SLC17A1: variants seen among roughly 807,000 people sequenced by gnomAD.
The protein encoded by SLC17A1 is sodium-dependent phosphate transport protein 1.
A neutral mutation model predicts 53.5 loss-of-function variants in SLC17A1; 51 were observed. The observed-to-expected ratio is 0.95, with a 90% CI of 0.76 to 1.20. SLC17A1 has a LOEUF of 1.20. Among genes scored for constraint, SLC17A1 ranks in the 50% most tolerant of loss-of-function variants. The pLI is 0.00. For synonymous variants in SLC17A1, 179 were observed against 198.8 expected, an observed-to-expected ratio of 0.90 and a Z score of 0.84; for missense variants, 538 against 568.2, an observed-to-expected ratio of 0.95 and a Z score of 0.54.
chr6:25,823,985 C>G (rs1213961278), intron 3 of SLC17A1, among the ~76,000 whole-genome samples: 1 of 151,648 alleles, frequency 6.6e-6, no homozygotes, highest in Non-Finnish European at 1.5e-5. Context: ...CATTCAGAGG[C>G]AATTCAGTGG....
chr6:25,794,721 A>T (rs1763569669), intron 12 of SLC17A1, among the ~76,000 whole-genome samples: 1 of 152,204 alleles, frequency 6.6e-6, no homozygotes, highest in African/African-American at 2.4e-5. Flanking sequence ...AGAGAGGTGG[A>T]AAAAGCAGTT....
chr6:25,800,810 C>A lies in SLC17A1; in HGVS notation c.1269+80G>T, dbSNP rs373966823. On this transcript the variant is annotated intron_variant, in intron 11 of 12. Coordinates refer to ENST00000244527, the MANE Select transcript of SLC17A1 (RefSeq NM_005074.5). ...ATAAGTCATCTCCTTCTGGCATCTT[C>A]TCTGCAATTTTTCATATGTGTAATC... 5.5e-5 allele frequency: 49 copies of A among 896,944 alleles called. 1 individual carries two copies. Among genetic ancestry groups the A allele is most frequent in the East Asian group, 4.0e-4 (16 of 39,888 alleles). The allele number at this position is 896,944 out of a possible 1,614,324, so 55.6% of individuals were successfully genotyped here.
At chr6:25,778,973 G>A (rs1763162603), downstream of SLC17A1, 2 of 1,566,790 alleles carry the variant, frequency 1.3e-6, no homozygotes, top group Non-Finnish European at 1.7e-6. Context: ...GGGAGCAGGA[G>A]GACACAGAGC....
chr6:25,742,721 T>C, the SLC17A1 span, among the ~76,000 whole-genome samples: 65 of 152,120 alleles, frequency 4.3e-4, no homozygotes, highest in African/African-American at 1.4e-3. Flanking sequence ...GGAGAATTCC[T>C]TGAGCCCAGG....
the SLC17A1 span, chr6:25,726,882 G>A: frequency 3.8e-6 from 6 of 1,595,140 alleles, no homozygotes; most frequent in Admixed American, 1.7e-5. Context: ...AAAGAACCGT[G>A]TAACGCTGCA....
the SLC17A1 span, among the ~76,000 whole-genome samples, chr6:25,733,653 G>A: frequency 5.9e-5 from 9 of 151,588 alleles, no homozygotes; most frequent in African/African-American, 2.2e-4. Flanking sequence ...CCTATAATTA[G>A]CCTTTGGTTT....
At chr6:25,773,290 CTTG>C in the SLC17A1 span, 1 of 1,613,736 alleles carries the variant, frequency 6.2e-7, no homozygotes, top group Non-Finnish European at 8.5e-7. Context: ...ATTGGCTGTG[CTTG>C]TTGTCCTCTC....
the SLC17A1 span, chr6:25,776,618 G>A: frequency 1.2e-5 from 20 of 1,611,320 alleles, no homozygotes; most frequent in Middle Eastern, 3.3e-4. Flanking sequence ...CTGCCTTGCC[G>A]TTTGTTGTTG....
chr6:25,729,436 G>T, the SLC17A1 span, among the ~76,000 whole-genome samples: 1 of 152,136 alleles, frequency 6.6e-6, no homozygotes, highest in Non-Finnish European at 1.5e-5. Context: ...ATAAAGTAAA[G>T]GCAGGAAGAG....
At chr6:25,774,791 A>G in the SLC17A1 span, among the ~76,000 whole-genome samples, 54 of 152,326 alleles carry the variant, frequency 3.5e-4, no homozygotes, top group Middle Eastern at 3.4e-3. Context: ...TCCAGGCTAA[A>G]AAGTCAAGAG....
At chr6:25,777,531 A>C in the SLC17A1 span, 1 of 166,186 alleles carries the variant, frequency 6.0e-6, no homozygotes, top group Admixed American at 6.2e-5. Context: ...GAGGGTATAA[A>C]AGTTACAAGA....
At chr6:25,798,602 C>T (rs1014683292) in intron 12 of SLC17A1, 181 bp downstream of exon 12, 45 of 444,896 alleles carry the variant, frequency 1.0e-4, no homozygotes, top group South Asian at 2.1e-4. Flanking sequence ...TATCTCCAGC[C>T]TTAGCATCCC....
chr6:25,753,367 T>C, the SLC17A1 span, among the ~76,000 whole-genome samples: 240 of 151,580 alleles, frequency 1.6e-3, no homozygotes, highest in African/African-American at 5.7e-3. Context: ...GTGAATTTGC[T>C]CTCTTTTCTC....
chr6:25,783,767 C>T (rs950547056), intron 12 of SLC17A1, among the ~76,000 whole-genome samples: 1 of 152,014 alleles, frequency 6.6e-6, no homozygotes, highest in Non-Finnish European at 1.5e-5. Flanking sequence ...AATAAAGCCC[C>T]CCTTTGTGGT....
the SLC17A1 span, among the ~76,000 whole-genome samples, chr6:25,772,720 G>T: frequency 1.1e-4 from 16 of 152,194 alleles, no homozygotes; most frequent in Admixed American, 9.2e-4. Context: ...AAGGTTTAAT[G>T]ATGAAAGGAA....
At chr6:25,815,020 C>A (rs546143606) in intron 6 of SLC17A1, among the ~76,000 whole-genome samples, 3 of 123,964 alleles carry the variant, frequency 2.4e-5, no homozygotes, top group African/African-American at 9.5e-5. Flanking sequence ...CACACACACA[C>A]ACACACACAC....
chr6:25,752,808 T>C, the SLC17A1 span, among the ~76,000 whole-genome samples: 4 of 151,786 alleles, frequency 2.6e-5, no homozygotes, highest in Non-Finnish European at 5.9e-5. Context: ...AAAAATTAGC[T>C]GGGCGTGGTG....
chr6:25,816,040 T>C (rs1239188532), intron 6 of SLC17A1, among the ~76,000 whole-genome samples: 1 of 152,156 alleles, frequency 6.6e-6, no homozygotes, highest in Non-Finnish European at 1.5e-5. Context: ...GACCCCACTC[T>C]TGTTAATTGG....
chr6:25,819,021 T>C, intron 6 of SLC17A1, 47 bp downstream of exon 6: 1 of 1,321,964 alleles, frequency 7.6e-7, no homozygotes, highest in Non-Finnish European at 1.0e-6. Context: ...TGTTTAAATT[T>C]TTTTAGATTC....
Sources: gnomAD v4.1 joint callset for allele counts (sites outside exome capture counted in the v4.1 genomes callset) on GRCh38, gnomAD v4.1.1 for gene constraint, MANE v1.5 for transcripts, NCBI Gene and HGNC (gene_info 2026-07-23, HGNC 2026-07-21) for gene names.